The following CDH23 variants were observed in gnomAD, a reference collection of about 807,000 sequenced individuals.
The protein encoded by CDH23 is cadherin related 23.
CDH23 carries 189 observed loss-of-function variants against 317.1 expected under a neutral mutation model. That is an observed-to-expected ratio of 0.60 (90% CI 0.53 to 0.67). CDH23 has a LOEUF of 0.67. Ranked by LOEUF, CDH23 falls within the 30% of genes least tolerant of loss-of-function variation. CDH23 has a pLI of 0.00. For missense variants in CDH23, 4,401 were observed against 4,592.4 expected (o/e 0.96, Z 1.20); for synonymous variants, 1,839 against 1,876.8 (o/e 0.98, Z 0.52).
chr10:71,463,473 C>A (rs1002750099), intron 3 of CDH23, among the ~76,000 whole-genome samples: 1 of 152,204 alleles, frequency 6.6e-6, no homozygotes, highest in African/African-American at 2.4e-5. Context: ...AGGGCCACCC[C>A]GCATCCCCTG....
chr10:71,570,950 C>G (rs1209130050), intron 8 of CDH23, 32 bp downstream of exon 8: 1 of 1,611,576 alleles, frequency 6.2e-7, no homozygotes. Flanking sequence ...TCTCAGAAGT[C>G]CCTTCTCAGA....
At chr10:71,440,062 C>G (rs910112180) in intron 2 of CDH23, among the ~76,000 whole-genome samples, 164 bp downstream of exon 2, 4 of 152,204 alleles carry the variant, frequency 2.6e-5, no homozygotes, top group African/African-American at 9.6e-5. Context: ...CCTCAGTTGC[C>G]TTCTGCAGCT....
At chr10:71,806,705 T>C (rs1013782372) in intron 57 of CDH23, among the ~76,000 whole-genome samples, 1 of 152,074 alleles carries the variant, frequency 6.6e-6, no homozygotes, top group Admixed American at 6.5e-5. Flanking sequence ...GCCTCCCAAG[T>C]AGCTGGGATT....
intron 9 of CDH23, among the ~76,000 whole-genome samples, 162 bp downstream of exon 9, chr10:71,578,154 A>G (rs761804426): frequency 6.6e-5 from 10 of 152,206 alleles, no homozygotes; most frequent in Non-Finnish European, 1.3e-4. Context: ...AGGGCCAGGA[A>G]GGTGACTGAG....
intron 8 of CDH23, among the ~76,000 whole-genome samples, chr10:71,576,412 C>T (rs941271236): frequency 2.0e-5 from 3 of 151,792 alleles, no homozygotes; most frequent in Admixed American, 6.6e-5. Flanking sequence ...GTCATGGCAG[C>T]GAGACTGGGT....
In CDH23 at chr10:71,751,323, C is replaced by A. The variant is rs1023622446; in HGVS notation, c.4845+9402C>A. On this transcript the variant is annotated intron_variant, in intron 38 of 69. Coordinates refer to ENST00000224721, the MANE Select transcript of CDH23 (RefSeq NM_022124.6). This position sits in a 1 kb window ranked among gnomAD's most constrained non-coding sequence, Gnocchi z 4.9. ...AAAAGGAGAAGCAAAGTGAACGGGG[C>A]CCCTCTGCCCCTCACCCTCAACCCC... The A allele has an allele frequency of 1.9e-6, 3 of 1,598,584 alleles. No homozygotes were observed. Among genetic ancestry groups the A allele is most frequent in the African/African-American group, 2.7e-5 (2 of 74,604 alleles).
At chr10:71,422,420 C>A (rs966759758) in intron 1 of CDH23, among the ~76,000 whole-genome samples, 1 of 152,328 alleles carries the variant, frequency 6.6e-6, no homozygotes, top group South Asian at 2.1e-4. Flanking sequence ...GTCAGCAAGA[C>A]CCCCTCACAG....
intron 12 of CDH23, among the ~76,000 whole-genome samples, chr10:71,645,212 T>A (rs1339308468): frequency 6.6e-6 from 1 of 152,242 alleles, no homozygotes; most frequent in Non-Finnish European, 1.5e-5. Context: ...GTGGCCACCC[T>A]GTGCTCAGTC....
intron 1 of CDH23, among the ~76,000 whole-genome samples, chr10:71,419,530 TTTGAA>T (rs1453794331): frequency 5.3e-5 from 8 of 152,166 alleles, no homozygotes; most frequent in Admixed American, 4.6e-4. Flanking sequence ...GTTTGGTGGT[TTTGAA>T]TTCTCCTAAT....
At chr10:71,455,003 A>G (rs1850622476) in intron 3 of CDH23, among the ~76,000 whole-genome samples, 1 of 151,960 alleles carries the variant, frequency 6.6e-6, no homozygotes, top group Admixed American at 6.6e-5. Context: ...ACACCTGGCT[A>G]ATTTTTAATT....
Position 71,805,841 on chromosome 10 carries a change from C to G in CDH23, c.7908C>G (p.Tyr2636Ter), listed in dbSNP as rs878853337. ...TGCGCTCCAACGTGTACGAGGTCTA[C>G]GCCACGGACAAGGATGAGGGCCTCA... ...IPLRSNVYEV[Y>*]ATDKDEGLNG... Residue 2636 changes from tyrosine to a stop codon, truncating the protein, a stop_gained, in exon 56 of 70, where the codon TAC becomes TAG. Transcript: ENST00000224721. LOFTEE classifies it high-confidence loss of function. The G allele has an allele frequency of 1.2e-5, 19 of 1,613,780 alleles. No homozygotes were observed. The highest frequency in any genetic ancestry group is 1.5e-5 in the Non-Finnish European group (18 of 1,179,830).
chr10:71,813,571 T>G (rs1842016177), intron 69 of CDH23, among the ~76,000 whole-genome samples: 1 of 152,122 alleles, frequency 6.6e-6, no homozygotes. Flanking sequence ...TTTCTCTGAT[T>G]AGAGGAAGAC....
At chr10:71,425,733 C>G (rs1849047037) in intron 1 of CDH23, among the ~76,000 whole-genome samples, 1 of 152,228 alleles carries the variant, frequency 6.6e-6, no homozygotes, top group South Asian at 2.1e-4. Context: ...CTGGCTGATC[C>G]TCAGGGTCAA....
At chr10:71,491,447 C>T (rs17634444) in intron 3 of CDH23, among the ~76,000 whole-genome samples, 11,152 of 152,270 alleles carry the variant, frequency 0.073, 589 homozygotes, top group Non-Finnish European at 0.11. Context: ...ACAAAATGCC[C>T]ACAGTGACCT....
chr10:71,548,762 C>T (rs745964125), intron 6 of CDH23, among the ~76,000 whole-genome samples: 1 of 152,196 alleles, frequency 6.6e-6, no homozygotes, highest in Non-Finnish European at 1.5e-5. Flanking sequence ...TGTTGAGCTG[C>T]CTCCTTTATT....
At chr10:71,432,287 AGT>A (rs912823757) in intron 1 of CDH23, among the ~76,000 whole-genome samples, 7 of 44,910 alleles carry the variant, frequency 1.6e-4, no homozygotes, top group East Asian at 7.6e-4. Flanking sequence ...TGTGTTTGAG[AGT>A]GTGTGTGTGA....
intron 1 of CDH23, among the ~76,000 whole-genome samples, chr10:71,400,707 G>T (rs1239382408): frequency 2.0e-5 from 3 of 152,170 alleles, no homozygotes; most frequent in Non-Finnish European, 2.9e-5. Flanking sequence ...GCTGAGGAAG[G>T]AGAATCGCTT....
intron 9 of CDH23, among the ~76,000 whole-genome samples, chr10:71,591,092 T>A (rs10509335): frequency 0.073 from 11,113 of 151,324 alleles, 429 homozygotes; most frequent in Middle Eastern, 0.13. Flanking sequence ...GAGGTAAACG[T>A]ATGAGAAATC....
At position 71,740,889 on chromosome 10, in the gene CDH23, A is replaced by T; in HGVS notation, c.4556A>T (p.Asp1519Val). The change falls in exon 37 of 70, where the codon GAC becomes GTC. Residue 1519 changes from aspartate to valine, a missense_variant. Transcript: ENST00000224721. ...CACATCCTGCAGGTGACCATCCTGG[A>T]CATCAATGACAACCCTCCAGTCATC... ...KDHILQVTIL[D>V]INDNPPVIES... 1 of 1,613,964 alleles carries T rather than the reference A, an allele frequency of 6.2e-7. No homozygotes were observed.
Sources: gnomAD v4.1 joint callset for allele counts (sites outside exome capture counted in the v4.1 genomes callset) on GRCh38, gnomAD v4.1.1 for gene constraint, Gnocchi (gnomAD v3.1) non-coding constraint, MANE v1.5 for transcripts, NCBI Gene and HGNC (gene_info 2026-07-23, HGNC 2026-07-21) for gene names.